PREX2: variants seen among roughly 807,000 people sequenced by gnomAD.
PREX2 encodes phosphatidylinositol-3,4,5-trisphosphate dependent Rac exchange factor 2, also known as phosphatidylinositol 3,4,5-trisphosphate-dependent Rac exchanger 2 protein.
A neutral mutation model predicts 203.2 loss-of-function variants in PREX2; 107 were observed. The observed-to-expected ratio is 0.53, with a 90% CI of 0.45 to 0.62. The LOEUF is 0.62. PREX2 is among the 20% of genes least tolerant of loss of function. PREX2 has a pLI of 0.00. For missense variants in PREX2, 1,777 were observed against 1,955.9 expected (o/e 0.91, Z 1.72); for synonymous variants, 672 against 663.6 (o/e 1.01, Z -0.19).
At chr8:68,203,322 G>C (rs1380609790) in intron 37 of PREX2, among the ~76,000 whole-genome samples, 6 of 152,096 alleles carry the variant, frequency 3.9e-5, no homozygotes, top group African/African-American at 1.4e-4. Context: ...GCTGCTACAG[G>C]AAGAAAATAT....
At chr8:68,105,641 G>A (rs1810386871) in intron 23 of PREX2, 2 of 943,258 alleles carry the variant, frequency 2.1e-6, no homozygotes, top group Non-Finnish European at 2.5e-6. Flanking sequence ...GTCATGCACT[G>A]CATAACATTT....
In PREX2 at chr8:68,055,965, T is replaced by C; in HGVS notation, c.1229T>C (p.Phe410Ser). 1 of 1,610,392 alleles carries C rather than the reference T, an allele frequency of 6.2e-7. No individual in the cohort carries two copies. The highest frequency in any genetic ancestry group is 8.5e-7 in the Non-Finnish European group (1 of 1,178,962). ...AAACTGACTACGTTCCCTAAATGCT[T>C]TCTTGGAAGGTAGGGTTGGGAGTTT... ...KRKLTTFPKC[F>S]LGSEFVSWLL... The change falls in exon 10 of 40, where the codon TTT becomes TCT. Residue 410 changes from phenylalanine (F) to serine (S), a missense_variant. Coordinates refer to ENST00000288368, the MANE Select transcript of PREX2 (RefSeq NM_024870.4).
rs551173335 is a variant in PREX2 at position 68,103,483 on chromosome 8, C to T, written c.2715+3640C>T. The T allele has an allele frequency of 3.4e-5, 17 of 507,372 alleles. No individual in the cohort carries two copies. In the East Asian group the frequency reaches 6.0e-4, roughly 18 times the overall value. 31.4% of individuals were successfully genotyped at this position (507,372 alleles called of 1,614,324 possible). A position where few individuals can be genotyped will look rare whatever the true frequency, so the allele number is the denominator to read the frequency against. ...TTCAGAAATTGTTTATTCGTGTCAG[C>T]GTACAAATATGTTTTATATCACCTA... On this transcript the variant is annotated intron_variant, in intron 23 of 39. Coordinates refer to ENST00000288368, the MANE Select transcript of PREX2 (RefSeq NM_024870.4).
intron 1 of PREX2, among the ~76,000 whole-genome samples, chr8:67,968,432 C>A (rs1361976807): frequency 6.6e-6 from 1 of 151,978 alleles, no homozygotes; most frequent in Non-Finnish European, 1.5e-5. Context: ...TCACTGAATT[C>A]GCAGCACAAA....
intron 38 of PREX2, among the ~76,000 whole-genome samples, chr8:68,224,236 T>G (rs1445785003): frequency 6.6e-6 from 1 of 152,102 alleles, no homozygotes; most frequent in Non-Finnish European, 1.5e-5. Context: ...AGGCTGGTCT[T>G]GAACTCCCAG....
intron 1 of PREX2, 149 bp downstream of exon 1, chr8:67,952,684 T>A: frequency 9.0e-7 from 1 of 1,115,770 alleles, no homozygotes; most frequent in Non-Finnish European, 1.3e-6. Flanking sequence ...GTGTGGACTC[T>A]GCGTTCGCGG....
chr8:68,083,520 A>G, intron 18 of PREX2, 132 bp downstream of exon 18: 7 of 539,860 alleles, frequency 1.3e-5, no homozygotes, highest in Non-Finnish European at 2.3e-5. Flanking sequence ...CGGTATCATT[A>G]ATACTGGTTT....
chr8:68,200,474 T>TATA (rs1812479207), intron 37 of PREX2, among the ~76,000 whole-genome samples: 1 of 152,058 alleles, frequency 6.6e-6, no homozygotes, highest in Admixed American at 6.6e-5. Context: ...TACAGGTAAA[T>TATA]TGTTAAAATT....
At chr8:68,148,865 A>G (rs1811378007) in intron 34 of PREX2, among the ~76,000 whole-genome samples, 1 of 152,212 alleles carries the variant, frequency 6.6e-6, no homozygotes, top group Non-Finnish European at 1.5e-5. Context: ...TTCTGCCTTT[A>G]TAAAACTCCC....
chr8:68,098,323 T>C (rs1333922413), intron 22 of PREX2, among the ~76,000 whole-genome samples: 5 of 152,200 alleles, frequency 3.3e-5, no homozygotes, highest in African/African-American at 7.2e-5. Context: ...ATTTCTAACA[T>C]GTATTTTTAA....
chr8:68,169,245 A>G (rs964926400), intron 35 of PREX2, among the ~76,000 whole-genome samples: 1 of 152,118 alleles, frequency 6.6e-6, no homozygotes, highest in African/African-American at 2.4e-5. Context: ...CCAGTGAAGG[A>G]CCTGGGGAGG....
intron 35 of PREX2, among the ~76,000 whole-genome samples, chr8:68,181,645 T>C (rs1812089142): frequency 6.6e-6 from 1 of 152,132 alleles, no homozygotes; most frequent in Non-Finnish European, 1.5e-5. Context: ...GGCAGGTTTT[T>C]TTCTTGAGCA....
At chr8:68,075,133 T>G (rs180790410) in intron 14 of PREX2, among the ~76,000 whole-genome samples, 46 of 152,324 alleles carry the variant, frequency 3.0e-4, no homozygotes, top group African/African-American at 1.0e-3. Context: ...CATGCGGTCT[T>G]ACTGTGCTTT....
chr8:67,965,362 C>G (rs760621333), intron 1 of PREX2, among the ~76,000 whole-genome samples: 1 of 152,118 alleles, frequency 6.6e-6, no homozygotes, highest in Non-Finnish European at 1.5e-5. Flanking sequence ...TGCTTCCTAA[C>G]AGGTTTGAAC....
At chr8:67,991,642 A>G (rs2129609490) in intron 1 of PREX2, among the ~76,000 whole-genome samples, 1 of 152,246 alleles carries the variant, frequency 6.6e-6, no homozygotes, top group South Asian at 2.1e-4. Flanking sequence ...AATTACCTCC[A>G]CCTGGTCTCT....
At chr8:68,050,713 G>A (rs957393096) in intron 8 of PREX2, among the ~76,000 whole-genome samples, 4 of 152,156 alleles carry the variant, frequency 2.6e-5, no homozygotes, top group African/African-American at 4.8e-5. Flanking sequence ...TGAATTATGT[G>A]CTTTCCAAAA....
At chr8:68,044,345 T>C in intron 7 of PREX2, 142 bp from the exon 8 acceptor site, 1 of 604,026 alleles carries the variant, frequency 1.7e-6, no homozygotes, top group Non-Finnish European at 3.0e-6. Flanking sequence ...GGAGGACAAA[T>C]GGAAAGATCT....
chr8:68,174,972 T>C (rs1811950808), intron 35 of PREX2, among the ~76,000 whole-genome samples: 1 of 152,244 alleles, frequency 6.6e-6, no homozygotes, highest in Non-Finnish European at 1.5e-5. Context: ...TGCACAGCAC[T>C]GAGGATACAG....
rs1282346306 is a variant in PREX2 at position 68,085,218 on chromosome 8, A to G, written c.2027+1830A>G. 2.0e-5 allele frequency among the ~76,000 whole-genome samples: 3 copies of G among 152,232 alleles called. 1 individual carries two copies. The highest frequency in any genetic ancestry group is 4.8e-5 in the African/African-American group (2 of 41,472). On this transcript the variant is annotated intron_variant, in intron 18 of 39. Coordinates refer to ENST00000288368, the MANE Select transcript of PREX2 (RefSeq NM_024870.4). ...AAGAACTTAGTGAAGTATCCAGTAC[A>G]TAGTAAGTACCCAGTGATGTTATAT...
Sources: gnomAD v4.1 joint callset for allele counts (sites outside exome capture counted in the v4.1 genomes callset) on GRCh38, gnomAD v4.1.1 for gene constraint, MANE v1.5 for transcripts, NCBI Gene and HGNC (gene_info 2026-07-23, HGNC 2026-07-21) for gene names.